Variants in KCNIP4 observed in about 807,000 individuals in gnomAD.
The protein encoded by KCNIP4 is Kv channel-interacting protein 4.
In KCNIP4, 12 loss-of-function variants were observed where a neutral mutation model predicts 34.0. The ratio of observed to expected loss-of-function variants is 0.35; its 90% CI spans 0.23 to 0.57. KCNIP4 has a LOEUF of 0.57. Ranked by LOEUF, KCNIP4 falls within the 20% of genes least tolerant of loss-of-function variation. The pLI is 0.83. For missense variants in KCNIP4, 238 were observed against 311.7 expected (o/e 0.76, Z 1.78); for synonymous variants, 124 against 102.2 (o/e 1.21, Z -1.29).
chr4:21,644,783 T>C (rs765072030), intron 1 of KCNIP4, among the ~76,000 whole-genome samples: 1 of 152,268 alleles, frequency 6.6e-6, no homozygotes, highest in South Asian at 2.1e-4. Context: ...ATACTGCTTG[T>C]AGTTTGTAGA....
intron 1 of KCNIP4, among the ~76,000 whole-genome samples, chr4:21,477,522 C>T (rs1731085984): frequency 6.6e-6 from 1 of 152,162 alleles, no homozygotes. Flanking sequence ...CACAACTCCA[C>T]AGCTTACTGA....
chr4:20,764,753 A>G (rs753713796), intron 3 of KCNIP4, among the ~76,000 whole-genome samples: 2 of 151,638 alleles, frequency 1.3e-5, no homozygotes, highest in South Asian at 2.1e-4. Context: ...CATGAATCCA[A>G]TCGTCATTCT....
At chr4:21,431,713 G>T (rs1283656698) in intron 1 of KCNIP4, among the ~76,000 whole-genome samples, 1 of 151,918 alleles carries the variant, frequency 6.6e-6, no homozygotes, top group East Asian at 1.9e-4. Flanking sequence ...AATAGGGATT[G>T]AATTCCAAGA....
At chr4:20,730,686 A>G (rs1747868113) in intron 8 of KCNIP4, among the ~76,000 whole-genome samples, 1 of 152,176 alleles carries the variant, frequency 6.6e-6, no homozygotes, top group Non-Finnish European at 1.5e-5. Flanking sequence ...TTAAAAATGA[A>G]TGGTCTCTCA....
At chr4:21,467,118 A>AC (rs1560434369) in intron 1 of KCNIP4, among the ~76,000 whole-genome samples, 725 of 98,818 alleles carry the variant, frequency 7.3e-3, no homozygotes, top group Middle Eastern at 0.014. Flanking sequence ...ACACACACAC[A>AC]AAACAGAACA....
At chr4:21,301,713 T>C (rs1711732333) in intron 1 of KCNIP4, among the ~76,000 whole-genome samples, 1 of 152,154 alleles carries the variant, frequency 6.6e-6, no homozygotes, top group African/African-American at 2.4e-5. Flanking sequence ...TTAATTAAAA[T>C]TAGGCTGTAA....
chr4:21,694,205 G>T (rs1245661874), intron 1 of KCNIP4, among the ~76,000 whole-genome samples: 2 of 152,078 alleles, frequency 1.3e-5, no homozygotes, highest in Non-Finnish European at 2.9e-5. Flanking sequence ...ACAAATAGAA[G>T]TGTCGTATTC....
chr4:21,807,043 TGAGA>T (rs755978126), intron 1 of KCNIP4, among the ~76,000 whole-genome samples: 54 of 152,100 alleles, frequency 3.6e-4, no homozygotes, highest in Admixed American at 1.7e-3. Flanking sequence ...CTTGAGGTGA[TGAGA>T]GACAGTGACA....
At chr4:21,234,900 G>A (rs756305341) in intron 1 of KCNIP4, among the ~76,000 whole-genome samples, 2 of 151,702 alleles carry the variant, frequency 1.3e-5, no homozygotes, top group African/African-American at 4.8e-5. Context: ...CACCCGCCTC[G>A]GCCTCCCAAA....
rs190643047 is a variant in KCNIP4 at position 21,305,435 on chromosome 4, A to G, written c.62-422726T>C. On this transcript the variant is annotated intron_variant, in intron 1 of 8. Coordinates refer to ENST00000382152, the MANE Select transcript of KCNIP4 (RefSeq NM_025221.6). ...GAATTAATGAGTGACACTTTTAGAA[A>G]AGAGTGAGTGCTCAATCACTACCAC... Among the ~76,000 whole-genome samples the G allele has an allele frequency of 2.0e-5, 3 of 152,332 alleles. 1 individual carries two copies. Among genetic ancestry groups the G allele is most frequent in the African/African-American group, 7.2e-5 (3 of 41,572 alleles).
chr4:21,637,504 C>G (rs1016270040), intron 1 of KCNIP4, among the ~76,000 whole-genome samples: 9 of 152,002 alleles, frequency 5.9e-5, no homozygotes, highest in African/African-American at 2.2e-4. Flanking sequence ...ACAGGCCAGG[C>G]GCGGTGGCTT....
chr4:20,915,426 T>C (rs562188522), intron 1 of KCNIP4, among the ~76,000 whole-genome samples: 2 of 152,298 alleles, frequency 1.3e-5, no homozygotes, highest in South Asian at 4.1e-4. Flanking sequence ...TCAGCAAAAG[T>C]AACTAAAAGA....
chr4:21,666,584 C>A (rs1445144216), intron 1 of KCNIP4, among the ~76,000 whole-genome samples: 1 of 152,146 alleles, frequency 6.6e-6, no homozygotes, highest in Non-Finnish European at 1.5e-5. Context: ...CTGTTCTGGT[C>A]TCTACTGATT....
At chr4:21,170,512 A>T (rs1753946738) in intron 1 of KCNIP4, among the ~76,000 whole-genome samples, 1 of 152,184 alleles carries the variant, frequency 6.6e-6, no homozygotes, top group Admixed American at 6.5e-5. Context: ...TTTAACCATG[A>T]TCCCTGCAAT....
chr4:21,079,122 CT>C (rs1745779745), intron 1 of KCNIP4, among the ~76,000 whole-genome samples: 1 of 152,012 alleles, frequency 6.6e-6, no homozygotes, highest in Non-Finnish European at 1.5e-5. Context: ...TATTTTTCAG[CT>C]TTCTCAGTGT....
chr4:21,563,514 T>C lies in KCNIP4; in HGVS notation c.61+385057A>G, dbSNP rs536997290. Among the ~76,000 whole-genome samples the C allele has an allele frequency of 5.3e-5, 8 of 152,258 alleles. No individual in the cohort carries two copies. In the South Asian group the frequency reaches 1.7e-3, roughly 32 times the overall value. On this transcript the variant is annotated intron_variant, in intron 1 of 8. Transcript: ENST00000382152. ...TGAAAATCAAATGGGATAACAGATA[T>C]GATAGGCAACGAAAATTCCAAAATG...
In KCNIP4 at chr4:20,738,129, C is replaced by CAAA. The variant is rs200429048; in HGVS notation, c.430-3397_430-3395dup. On this transcript the variant is annotated intron_variant, in intron 5 of 8. Transcript: ENST00000382152. ...TGGATGACAGACCAAGACTCTGTCT[C>CAAA]AAAAAAAAAAAAAAAATCCTTAGCT... is the stretch of plus-strand genomic sequence containing the variant. Among the ~76,000 whole-genome samples the CAAA allele has an allele frequency of 2.5e-3, 288 of 115,592 alleles. 4 individuals carry two copies. In the South Asian group the frequency reaches 0.051, roughly 21 times the overall value. The allele number at this position is 115,592 out of a possible 152,430, so 75.8% of individuals were successfully genotyped here.
intron 1 of KCNIP4, among the ~76,000 whole-genome samples, chr4:21,903,761 T>C (rs1196365318): frequency 6.6e-6 from 1 of 152,116 alleles, no homozygotes; most frequent in African/African-American, 2.4e-5. Flanking sequence ...GAAGAACCAT[T>C]AGGAAGTTAT....
At chr4:21,128,351 C>G (rs1377068561) in intron 1 of KCNIP4, among the ~76,000 whole-genome samples, 1 of 152,152 alleles carries the variant, frequency 6.6e-6, no homozygotes, top group Non-Finnish European at 1.5e-5. Context: ...TGAGTACTTG[C>G]TTATGAAGCA....
Sources: allele counts gnomAD v4.1 joint callset (sites outside exome capture counted in the v4.1 genomes callset), GRCh38; gene constraint gnomAD v4.1.1; transcripts MANE v1.5; gene names NCBI Gene and HGNC (gene_info 2026-07-23, HGNC 2026-07-21).